The following FANK1 variants were observed in gnomAD, a reference collection of about 807,000 sequenced individuals.
FANK1 encodes fibronectin type 3 and ankyrin repeat domains protein 1.
A neutral mutation model predicts 45.3 loss-of-function variants in FANK1; 44 were observed. The ratio of observed to expected loss-of-function variants is 0.97; its 90% CI spans 0.76 to 1.25. The LOEUF (loss-of-function observed/expected upper bound fraction) is 1.25. Among genes scored for constraint, FANK1 ranks in the 50% most tolerant of loss-of-function variants. FANK1 has a pLI of 0.00. For missense variants in FANK1, 391 were observed against 424.4 expected (o/e 0.92, Z 0.69); for synonymous variants, 149 against 152.5 (o/e 0.98, Z 0.17).
intron 1 of FANK1, among the ~76,000 whole-genome samples, chr10:125,940,113 G>T (rs1948353069): frequency 6.6e-6 from 1 of 152,030 alleles, no homozygotes; most frequent in African/African-American, 2.4e-5. Flanking sequence ...ACACCTGTGG[G>T]TATTTCTCAT....
intron 1 of FANK1, among the ~76,000 whole-genome samples, chr10:125,947,710 CAG>C (rs1378869680): frequency 3.4e-5 from 5 of 146,910 alleles, no homozygotes; most frequent in African/African-American, 1.0e-4. Flanking sequence ...ATCAACGAGA[CAG>C]AAAGTCAACA....
At chr10:125,965,209 T>C (rs1163699364) in intron 1 of FANK1, among the ~76,000 whole-genome samples, 1 of 152,202 alleles carries the variant, frequency 6.6e-6, no homozygotes, top group Non-Finnish European at 1.5e-5. Context: ...AATGTCATCA[T>C]TGTAATTGCA....
Position 126,008,287 on chromosome 10 carries a change from A to C in FANK1, c.706-120A>C. 3 of 1,362,502 alleles carry C rather than the reference A, an allele frequency of 2.2e-6. 1 individual carries two copies. The South Asian group carries it at 4.9e-5, about 22-fold the overall frequency. The allele number at this position is 1,362,502 out of a possible 1,614,324, so 84.4% of individuals were successfully genotyped here. The stretch of plus-strand genomic sequence containing the variant: ...AAATTAGCACAGTGCAATGAACCAA[A>C]TATAGAAAGACGGCTATCTAAGTCC... On this transcript the variant is annotated intron_variant, in intron 7 of 10. Transcript: ENST00000368693.
At chr10:125,952,358 G>T (rs1949294702) in intron 1 of FANK1, among the ~76,000 whole-genome samples, 1 of 152,132 alleles carries the variant, frequency 6.6e-6, no homozygotes, top group Non-Finnish European at 1.5e-5. Flanking sequence ...CGAAATGTCA[G>T]GTCAGGGTTT....
chr10:125,937,939 T>C (rs1948206555), intron 1 of FANK1, among the ~76,000 whole-genome samples: 1 of 152,018 alleles, frequency 6.6e-6, no homozygotes, highest in Non-Finnish European at 1.5e-5. Flanking sequence ...AACTAAACAT[T>C]TACAAAGACG....
intron 1 of FANK1, among the ~76,000 whole-genome samples, chr10:125,916,327 A>G (rs973359120): frequency 1.3e-5 from 2 of 152,148 alleles, no homozygotes; most frequent in African/African-American, 4.8e-5. Flanking sequence ...ACACCCAGAC[A>G]TGAGGGCTCT....
In FANK1 at chr10:125,984,723, T is replaced by C. The variant is rs111272416; in HGVS notation, c.192-3828T>C. 2.8e-3 allele frequency among the ~76,000 whole-genome samples: 424 copies of C among 152,334 alleles called. 1 individual carries two copies. Among genetic ancestry groups the C allele is most frequent in the African/African-American group, 9.7e-3 (405 of 41,578 alleles). ...AAGTCTGGTAACTGAGTCTTGGGGC[T>C]TTTCAATATTTATTTAGCTTCTTAT... On this transcript the variant is annotated intron_variant, in intron 2 of 10. Transcript: ENST00000368693.
intron 1 of FANK1, among the ~76,000 whole-genome samples, chr10:125,924,456 G>C (rs1366457250): frequency 6.6e-6 from 1 of 151,586 alleles, no homozygotes; most frequent in East Asian, 1.9e-4. Flanking sequence ...GTTTTACCAC[G>C]TTGGGCAGGA....
intron 1 of FANK1, among the ~76,000 whole-genome samples, chr10:125,917,387 A>G (rs1189919360): frequency 7.5e-6 from 1 of 133,076 alleles, no homozygotes; most frequent in East Asian, 2.3e-4. Context: ...GGGAGCTCTC[A>G]TTCTGTTTTG....
intron 1 of FANK1, among the ~76,000 whole-genome samples, chr10:125,971,426 T>C (rs1455509100): frequency 6.6e-6 from 1 of 151,712 alleles, no homozygotes; most frequent in African/African-American, 2.4e-5. Flanking sequence ...TAAGTTGCCT[T>C]CTCTTCTGCT....
In FANK1 at chr10:126,004,983, T is replaced by C; in HGVS notation, c.639T>C (p.Ala213=). The C allele has an allele frequency of 6.2e-7, 1 of 1,614,186 alleles. No individual in the cohort carries two copies. Among genetic ancestry groups the C allele is most frequent in the Non-Finnish European group, 8.5e-7 (1 of 1,180,032 alleles). ...CTAGAGACCTGGGAGGCTGTACAGC[T>C]CTGCACTGGGCTGCAGATGGAGGCC... ...WQARDLGGCT[A]LHWAADGGHC... The change falls in exon 7 of 11, where the codon GCT becomes GCC. Residue 213 remains alanine, a synonymous_variant. Coordinates refer to ENST00000368693, the MANE Select transcript of FANK1 (RefSeq NM_145235.5).
At chr10:125,987,495 T>C (rs73370550) in intron 2 of FANK1, among the ~76,000 whole-genome samples, 2,524 of 151,224 alleles carry the variant, frequency 0.017, 73 homozygotes, top group African/African-American at 0.056. Flanking sequence ...CTGGATTAAG[T>C]GTTGAAGCAG....
chr10:125,990,483 C>T (rs1951853095), intron 3 of FANK1, among the ~76,000 whole-genome samples: 1 of 152,204 alleles, frequency 6.6e-6, no homozygotes. Context: ...CACTGATTTT[C>T]TCAGGTTGCA....
At chr10:125,999,679 G>A (rs146135092) in intron 6 of FANK1, among the ~76,000 whole-genome samples, 6 of 152,250 alleles carry the variant, frequency 3.9e-5, no homozygotes, top group African/African-American at 1.2e-4. Context: ...AGGATGTGGC[G>A]TGACCTTGGG....
chr10:125,986,386 A>T (rs1435766664), intron 2 of FANK1, among the ~76,000 whole-genome samples: 1 of 152,144 alleles, frequency 6.6e-6, no homozygotes, highest in South Asian at 2.1e-4. Context: ...TTTACCTTGA[A>T]ATTTCACATT....
At chr10:125,984,529 G>A (rs1417859540) in intron 2 of FANK1, among the ~76,000 whole-genome samples, 1 of 152,144 alleles carries the variant, frequency 6.6e-6, no homozygotes, top group Non-Finnish European at 1.5e-5. Flanking sequence ...GACTGTGGGT[G>A]GAGTAGATGC....
At chr10:126,006,961 T>A (rs1030267644) in intron 7 of FANK1, among the ~76,000 whole-genome samples, 1 of 152,248 alleles carries the variant, frequency 6.6e-6, no homozygotes, top group Non-Finnish European at 1.5e-5. Flanking sequence ...ATGAATATAC[T>A]TATTTGGGAT....
intron 1 of FANK1, among the ~76,000 whole-genome samples, chr10:125,898,016 A>AG (rs1944710337): frequency 4.5e-5 from 6 of 134,450 alleles, no homozygotes; most frequent in Non-Finnish European, 6.3e-5. Flanking sequence ...AAAAAAAAAA[A>AG]AAAAAAAAAA....
intron 1 of FANK1, among the ~76,000 whole-genome samples, chr10:125,920,546 CAT>C (rs1377463189): frequency 2.0e-5 from 3 of 152,164 alleles, no homozygotes; most frequent in Non-Finnish European, 2.9e-5. Context: ...CAGGAGGCCA[CAT>C]AAACATTTCT....
Sources: gnomAD v4.1 joint callset for allele counts (sites outside exome capture counted in the v4.1 genomes callset) on GRCh38, gnomAD v4.1.1 for gene constraint, MANE v1.5 for transcripts, NCBI Gene and HGNC (gene_info 2026-07-23, HGNC 2026-07-21) for gene names.